VCPKMT: variants seen among roughly 807,000 people sequenced by gnomAD.
The protein encoded by VCPKMT is protein N-lysine methyltransferase METTL21D.
A neutral mutation model predicts 28.6 loss-of-function variants in VCPKMT; 32 were observed. The observed-to-expected ratio is 1.12, with a 90% confidence interval of 0.84 to 1.50. VCPKMT has a LOEUF of 1.50. VCPKMT is among the 40% of genes most tolerant of loss of function. VCPKMT has a pLI of 0.00. For missense variants in VCPKMT, 366 were observed against 285.0 expected, an observed-to-expected ratio of 1.28 and a Z score of -2.05; for synonymous variants, 138 against 111.4, an observed-to-expected ratio of 1.24 and a Z score of -1.50.
downstream of VCPKMT, among the ~76,000 whole-genome samples, chr14:50,105,741 C>T (rs1170812230): frequency 6.6e-6 from 1 of 152,166 alleles, no homozygotes; most frequent in Non-Finnish European, 1.5e-5. Flanking sequence ...AGTTATGCAA[C>T]CTCAAAGATG....
At chr14:50,114,726 T>C (rs1256370483) in intron 3 of VCPKMT, among the ~76,000 whole-genome samples, 1 of 152,188 alleles carries the variant, frequency 6.6e-6, no homozygotes, top group East Asian at 1.9e-4. Context: ...GGTGCACACC[T>C]ATAGTCCCAG....
chr14:50,115,155 T>G (rs559636537), intron 3 of VCPKMT, among the ~76,000 whole-genome samples: 5 of 122,144 alleles, frequency 4.1e-5, no homozygotes, highest in South Asian at 5.7e-4. Context: ...GTTTTTTTTT[T>G]TTTTTTTTTT....
chr14:50,107,787 G>A (rs1362524615), downstream of VCPKMT, among the ~76,000 whole-genome samples: 2 of 152,240 alleles, frequency 1.3e-5, no homozygotes, highest in Non-Finnish European at 1.5e-5. Flanking sequence ...ACTTCAGCCC[G>A]ACTCCTCCAG....
downstream of VCPKMT, among the ~76,000 whole-genome samples, chr14:50,107,159 G>C (rs1882354426): frequency 6.6e-6 from 1 of 152,238 alleles, no homozygotes; most frequent in Non-Finnish European, 1.5e-5. Context: ...CTGTGGAATA[G>C]TAGTTGGTGA....
chr14:50,112,850 G>C, intron 4 of VCPKMT, 131 bp from the exon 5 acceptor site: 3 of 542,060 alleles, frequency 5.5e-6, no homozygotes, highest in Non-Finnish European at 9.4e-6. Flanking sequence ...GCAGTGGTGC[G>C]ATCTTGGCTC....
At chr14:50,115,369 C>T (rs1883062716) in intron 3 of VCPKMT, among the ~76,000 whole-genome samples, 1 of 152,130 alleles carries the variant, frequency 6.6e-6, no homozygotes, top group Non-Finnish European at 1.5e-5. Context: ...TCAGGCTGGT[C>T]TCGAACTCCC....
intron 4 of VCPKMT, 31 bp from the exon 5 acceptor site, chr14:50,112,750 T>C (rs868334976): frequency 6.9e-7 from 1 of 1,441,364 alleles, no homozygotes; most frequent in Middle Eastern, 1.8e-4. Context: ...TACTTCAAAT[T>C]CAATAATATG....
chr14:50,107,776 G>T (rs559917000), downstream of VCPKMT, among the ~76,000 whole-genome samples: 1 of 152,114 alleles, frequency 6.6e-6, no homozygotes, highest in Non-Finnish European at 1.5e-5. Flanking sequence ...CACAGAGGCC[G>T]ACTTCAGCCC....
intron 3 of VCPKMT, 60 bp downstream of exon 3, chr14:50,115,779 A>G (rs1883121031): frequency 2.6e-6 from 4 of 1,536,276 alleles, no homozygotes; most frequent in Non-Finnish European, 3.6e-6. Context: ...CGTGTGCTTT[A>G]GAATTCATGG....
chr14:50,104,486 A>G (rs1189692978), downstream of VCPKMT, among the ~76,000 whole-genome samples: 1 of 152,174 alleles, frequency 6.6e-6, no homozygotes, highest in Non-Finnish European at 1.5e-5. Flanking sequence ...CTGTATTTCT[A>G]TTAGAGTGAA....
chr14:50,111,849 A>AC, intron 5 of VCPKMT: 1 of 926,806 alleles, frequency 1.1e-6, no homozygotes. Context: ...AGATTGCACC[A>AC]CTGTACTCCA....
chr14:50,111,559 T>C lies in VCPKMT; in HGVS notation c.675+1056A>G, dbSNP rs546630043. ...ATCTCCCTGCCTTACACTAGTCACATATACCAAAGGTGCTGGAAATACAAA... is the reference window on the plus strand; with the variant it reads ...ATCTCCCTGCCTTACACTAGTCACACATACCAAAGGTGCTGGAAATACAAA... On this transcript the variant is annotated intron_variant, in intron 5 of 5. Transcript: ENST00000395860. The C allele has an allele frequency of 5.1e-6, 5 of 985,354 alleles. No individual in the cohort carries two copies. The South Asian group carries it at 2.3e-4, about 46-fold the overall frequency. The allele number at this position is 985,354 out of a possible 1,614,324, so 61.0% of individuals were successfully genotyped here. A position where few individuals can be genotyped will look rare whatever the true frequency, so the allele number is the denominator to read the frequency against.
chr14:50,114,315 T>G lies in VCPKMT; in HGVS notation c.540A>C (p.Lys180Asn), dbSNP rs1166165810. The G allele has an allele frequency of 1.3e-6, 2 of 1,587,722 alleles. No homozygotes were observed. The highest frequency in any genetic ancestry group is 1.7e-6 in the Non-Finnish European group (2 of 1,170,974). ...AATATTTTTTCTCAATTTCTGGATT[T>G]TTCCCCATTGTTCGTTGTTCATAAC... ...ICCYEQRTMGKNPEIEKKYFE... is the reference protein window; with the variant it reads ...ICCYEQRTMGNNPEIEKKYFE... The change falls in exon 4 of 6, where the codon AAA (lysine) becomes AAC (asparagine). Residue 180 changes from lysine (K) to asparagine (N), a missense_variant. Coordinates refer to ENST00000395860, the MANE Select transcript of VCPKMT (RefSeq NM_024558.3).
In VCPKMT at chr14:50,116,099, G is replaced by A. The variant is rs1427379362; in HGVS notation, c.347C>T (p.Thr116Ile). 1 of 1,613,734 alleles carries A rather than the reference G, an allele frequency of 6.2e-7. No individual in the cohort carries two copies. The highest frequency in any genetic ancestry group is 1.7e-5 in the Admixed American group (1 of 59,984). The change falls in exon 2 of 6, where the codon ACT (threonine) becomes ATT (isoleucine). Residue 116 changes from threonine (T) to isoleucine (I), a missense_variant. Thr to Ile is a moderately conservative substitution (Grantham distance 89, BLOSUM62 -1). Coordinates refer to ENST00000395860, the MANE Select transcript of VCPKMT (RefSeq NM_024558.3). ...CAGTACCTTGGCTTGAACAGAACCA[G>A]TGACAAGATGCTTGTTCATATTAAT... ...MNINMNKHLV[T>I]GSVQAKVLKW...
chr14:50,109,592 GA>G lies in VCPKMT; in HGVS notation c.*106del. ...ACATCGGATCTCTAAGGACGTGCCG[GA>G]AAAAAAAATCTGTGAACACAATCTT... On this transcript the variant is annotated 3_prime_UTR_variant, in exon 6 of 6. Transcript: ENST00000395860. The G allele has an allele frequency of 4.6e-5, 66 of 1,449,198 alleles. No individual in the cohort carries two copies. The highest frequency in any genetic ancestry group is 1.0e-4 in the South Asian group (7 of 68,532). The allele number at this position is 1,449,198 out of a possible 1,614,324, so 89.8% of individuals were successfully genotyped here.
chr14:50,107,711 T>C (rs1246964811), downstream of VCPKMT, among the ~76,000 whole-genome samples: 1 of 152,160 alleles, frequency 6.6e-6, no homozygotes, highest in Non-Finnish European at 1.5e-5. Context: ...GGAATGGGAA[T>C]AGCCGAACAG....
chr14:50,111,449 C>T, intron 5 of VCPKMT: 1 of 985,424 alleles, frequency 1.0e-6, no homozygotes, highest in South Asian at 4.7e-5. Flanking sequence ...AATCAGAAAA[C>T]TTTACCACAA....
Position 50,114,365 on chromosome 14 carries a change from C to A in VCPKMT, c.490G>T (p.Gly164Ter), listed in dbSNP as rs181887490. The A allele has an allele frequency of 6.3e-7, 1 of 1,580,792 alleles. No homozygotes were observed. The highest frequency in any genetic ancestry group is 2.1e-4 in the Middle Eastern group (1 of 4,726). The change falls in exon 4 of 6, where the codon GGA becomes TGA. Residue 164 changes from glycine (G) to a stop codon, truncating the protein, a stop_gained. Coordinates refer to ENST00000395860, the MANE Select transcript of VCPKMT (RefSeq NM_024558.3). LOFTEE classifies it high-confidence loss of function. ...PLLKTLKDIS[G>*]FETCIICCYE... is the part of the protein sequence containing the mutation. ...CAACATATAATACAAGTTTCAAATC[C>A]GCTGATATCTTTTAGAGTTTTCAGC... is the stretch of plus-strand genomic sequence containing the variant.
At position 50,116,559 on chromosome 14, in the gene VCPKMT, C is replaced by G. The variant is rs1256669155; in HGVS notation, c.-7G>C. 46 of 1,598,948 alleles carry G rather than the reference C, an allele frequency of 2.9e-5. No individual in the cohort carries two copies. Among genetic ancestry groups the G allele is most frequent in the Non-Finnish European group, 3.8e-5 (44 of 1,170,854 alleles). On this transcript the variant is annotated 5_prime_UTR_variant, in exon 1 of 6. Transcript: ENST00000395860. ...ACTCCAGCGTATCCGCCATTGCGCC[C>G]GGCAACAGAAAGCGGCGCGCGCAGG...
Sources: gnomAD v4.1 joint callset for allele counts (sites outside exome capture counted in the v4.1 genomes callset) on GRCh38, gnomAD v4.1.1 for gene constraint, MANE v1.5 for transcripts, NCBI Gene and HGNC (gene_info 2026-07-23, HGNC 2026-07-21) for gene names.